QTMAN: variants seen among roughly 807,000 people sequenced by gnomAD.
The protein encoded by QTMAN is queuosine-tRNA mannosyltransferase, also known as tRNA-queuosine alpha-mannosyltransferase.
chr2:144,281,124 T>C, the QTMAN span, among the ~76,000 whole-genome samples: 1 of 145,242 alleles, frequency 6.9e-6, no homozygotes, highest in South Asian at 2.3e-4. Context: ...GTTCTCATTG[T>C]TCAATTCCCA....
chr2:144,231,105 A>G, the QTMAN span, among the ~76,000 whole-genome samples: 1 of 152,168 alleles, frequency 6.6e-6, no homozygotes, highest in Non-Finnish European at 1.5e-5. Context: ...AAGAGGAAAA[A>G]TCAAACAACT....
chr2:144,168,770 ATAAAATGTTAAATTATTTTTAAAAAC>A, the QTMAN span, among the ~76,000 whole-genome samples: 1 of 152,140 alleles, frequency 6.6e-6, no homozygotes, highest in Non-Finnish European at 1.5e-5. Flanking sequence ...TAAGAAAGTT[ATAAAATGTTAAATTATTTTTAAAAAC>A]TATCCCATCT....
chr2:144,081,265 G>A, the QTMAN span, among the ~76,000 whole-genome samples: 2 of 152,116 alleles, frequency 1.3e-5, no homozygotes, highest in East Asian at 1.9e-4. Context: ...AAGGTAAGGC[G>A]TGGGAAGGGG....
the QTMAN span, among the ~76,000 whole-genome samples, chr2:143,973,142 G>T: frequency 1.3e-4 from 20 of 151,830 alleles, 1 homozygote; most frequent in African/African-American, 4.8e-4. Flanking sequence ...TTTTTTTGTA[G>T]TTGGGGAAAA....
At chr2:144,120,035 A>C in the QTMAN span, among the ~76,000 whole-genome samples, 1 of 152,214 alleles carries the variant, frequency 6.6e-6, no homozygotes, top group Non-Finnish European at 1.5e-5. Flanking sequence ...GAGATAGTGA[A>C]GGGTTGGAAA....
the QTMAN span, chr2:143,943,181 G>C: frequency 6.6e-6 from 1 of 152,122 alleles, no homozygotes; most frequent in Non-Finnish European, 1.5e-5. Flanking sequence ...TCTTTGAGCA[G>C]CATGTAGAAT....
At chr2:144,106,965 C>G in the QTMAN span, among the ~76,000 whole-genome samples, 1 of 152,198 alleles carries the variant, frequency 6.6e-6, no homozygotes, top group Non-Finnish European at 1.5e-5. Flanking sequence ...CTCAAAACCT[C>G]TCTACTACAT....
chr2:144,024,426 A>G, the QTMAN span, among the ~76,000 whole-genome samples: 1 of 152,166 alleles, frequency 6.6e-6, no homozygotes, highest in Non-Finnish European at 1.5e-5. Context: ...TGGGTCCTGG[A>G]TGCTTCTGTA....
the QTMAN span, among the ~76,000 whole-genome samples, chr2:143,990,595 A>C: frequency 2.0e-5 from 3 of 152,172 alleles, no homozygotes; most frequent in Non-Finnish European, 4.4e-5. Flanking sequence ...TTCTCCTGTA[A>C]TTTCCTAATC....
At chr2:144,208,231 AGCCTT>A in the QTMAN span, among the ~76,000 whole-genome samples, 1 of 152,188 alleles carries the variant, frequency 6.6e-6, no homozygotes, top group African/African-American at 2.4e-5. Context: ...CAGACTTTAA[AGCCTT>A]GGACGTATCC....
chr2:144,032,607 C>T, the QTMAN span, among the ~76,000 whole-genome samples: 5 of 152,088 alleles, frequency 3.3e-5, no homozygotes, highest in Admixed American at 3.3e-4. Flanking sequence ...TCTGGACTAC[C>T]AGACCAGGTA....
the QTMAN span, among the ~76,000 whole-genome samples, chr2:144,036,659 T>C: frequency 6.6e-6 from 1 of 152,174 alleles, no homozygotes; most frequent in Admixed American, 6.5e-5. Flanking sequence ...CCATATACAC[T>C]CTGTATCATT....
the QTMAN span, among the ~76,000 whole-genome samples, chr2:143,981,623 T>A: frequency 1.3e-5 from 2 of 152,342 alleles, 1 homozygote; most frequent in South Asian, 4.1e-4. Context: ...ATTCTGTTTA[T>A]GTTTTATGTC....
chr2:144,006,919 A>G, the QTMAN span: 2 of 320,586 alleles, frequency 6.2e-6, no homozygotes, highest in African/African-American at 2.1e-5. Context: ...ACAAGACTTG[A>G]TATGCTAGAA....
the QTMAN span, among the ~76,000 whole-genome samples, chr2:144,135,248 G>C: frequency 5.9e-5 from 9 of 152,230 alleles, no homozygotes; most frequent in African/African-American, 1.7e-4. Flanking sequence ...TCTTGTAGGG[G>C]GACAGACGGA....
the QTMAN span, among the ~76,000 whole-genome samples, chr2:144,161,114 G>C: frequency 2.8e-3 from 430 of 152,162 alleles, 1 homozygote; most frequent in Non-Finnish European, 4.8e-3. Context: ...CTGAAATCGA[G>C]TACCAGCCTG....
chr2:144,201,391 C>T, the QTMAN span, among the ~76,000 whole-genome samples: 9 of 152,138 alleles, frequency 5.9e-5, no homozygotes, highest in Admixed American at 4.6e-4. Context: ...AGCACATTAA[C>T]GAGAAGACAG....
chr2:144,029,259 T>C, the QTMAN span, among the ~76,000 whole-genome samples: 1 of 152,200 alleles, frequency 6.6e-6, no homozygotes, highest in Non-Finnish European at 1.5e-5. Context: ...CTAGACAAAG[T>C]GGTTGCTGAT....
chr2:144,205,306 G>A, the QTMAN span, among the ~76,000 whole-genome samples: 6 of 152,092 alleles, frequency 3.9e-5, no homozygotes, highest in Non-Finnish European at 2.9e-5. Context: ...TCATGGTTGC[G>A]GACATCACAA....
Sources: gnomAD v4.1 joint callset for allele counts (sites outside exome capture counted in the v4.1 genomes callset) on GRCh38, gnomAD v4.1.1 for gene constraint, MANE v1.5 for transcripts, NCBI Gene and HGNC (gene_info 2026-07-23, HGNC 2026-07-21) for gene names.